The following TBXAS1 variants were observed in gnomAD, a reference collection of about 807,000 sequenced individuals.
TBXAS1 encodes thromboxane A synthase 1, also known as thromboxane-A synthase.
TBXAS1 carries 48 observed loss-of-function variants against 60.7 expected under a neutral mutation model. That is an observed-to-expected ratio of 0.79 (90% confidence interval 0.63 to 1.01). The LOEUF (loss-of-function observed/expected upper bound fraction) is 1.01. Ranked by LOEUF, TBXAS1 falls within the 50% of genes least tolerant of loss-of-function variation. The probability of loss-of-function intolerance (pLI) is 0.00; values close to 1 mark genes in which losing one functional copy is unlikely to be tolerated. For missense variants in TBXAS1, 685 were observed against 686.3 expected (o/e 1.00, Z 0.02); for synonymous variants, 287 against 269.7 (o/e 1.06, Z -0.63).
chr7:139,805,728 CTCTTTCTT>C lies in TBXAS1; in HGVS notation c.-80+18323_-80+18330del, dbSNP rs796223409. ...TTTCTTTCTTTCTCTCTCTCTCTCT[CTCTTTCTT>C]TCTTTCTTTCTTTCTTTCTTGTCTT... On this transcript the variant is annotated intron_variant, in intron 4 of 16. Coordinates refer to the TBXAS1 transcript ENST00000336425. Among the ~76,000 whole-genome samples the C allele has an allele frequency of 8.6e-3, 951 of 110,886 alleles. 24 individuals carry two copies. The highest frequency in any genetic ancestry group is 0.032 in the African/African-American group (755 of 23,252). 72.7% of individuals were successfully genotyped at this position (110,886 alleles called of 152,430 possible). A position where few individuals can be genotyped will look rare whatever the true frequency, so the allele number is the denominator to read the frequency against.
At chr7:139,780,069 G>T (rs1006047181) in intron 1 of TBXAS1, among the ~76,000 whole-genome samples, 5 of 152,182 alleles carry the variant, frequency 3.3e-5, no homozygotes, top group Non-Finnish European at 7.3e-5. Context: ...ACTTAACTAT[G>T]TGATCTTGGT....
chr7:139,799,542 G>GA (rs1797662904), intron 4 of TBXAS1, among the ~76,000 whole-genome samples: 1 of 152,040 alleles, frequency 6.6e-6, no homozygotes, highest in African/African-American at 2.4e-5. Context: ...TTTTTGTAGA[G>GA]ATGGGTTTTT....
intron 4 of TBXAS1, among the ~76,000 whole-genome samples, chr7:139,815,664 A>G (rs1798128002): frequency 6.6e-6 from 1 of 152,226 alleles, no homozygotes; most frequent in Non-Finnish European, 1.5e-5. Context: ...AGAAACTTGA[A>G]GAATCCTATT....
At chr7:139,921,871 A>G (rs1005130582) in intron 4 of TBXAS1, among the ~76,000 whole-genome samples, 6 of 152,176 alleles carry the variant, frequency 3.9e-5, no homozygotes, top group African/African-American at 1.4e-4. Flanking sequence ...CCACGAGAGT[A>G]GGTGCATGGT....
chr7:139,924,514 T>C (rs1452950175), intron 4 of TBXAS1, among the ~76,000 whole-genome samples: 1 of 152,190 alleles, frequency 6.6e-6, no homozygotes, highest in Non-Finnish European at 1.5e-5. Flanking sequence ...TAGGTTTTTT[T>C]CCTGCAGAGT....
chr7:140,017,614 G>A, intron 11 of TBXAS1, 57 bp from the exon 12 acceptor site: 3 of 1,604,874 alleles, frequency 1.9e-6, no homozygotes, highest in Non-Finnish European at 2.6e-6. Flanking sequence ...GGAGCACAGG[G>A]CTGCAGAGGG....
At chr7:139,782,159 G>A (rs1797021959) in intron 2 of TBXAS1, among the ~76,000 whole-genome samples, 1 of 151,744 alleles carries the variant, frequency 6.6e-6, no homozygotes, top group Non-Finnish European at 1.5e-5. Flanking sequence ...AAGCACATTA[G>A]CAGTCAGTGT....
At position 140,007,303 on chromosome 7, in the gene TBXAS1, G is replaced by A. The variant is rs530570313; in HGVS notation, c.1226+121G>A. ...CTTGTGTTTCTGGAGGGCAACGCCT[G>A]AGTCCTGGGTTCCTTTGTATCCCCA... On this transcript the variant is annotated intron_variant, in intron 10 of 12. Transcript: ENST00000448866. The A allele has an allele frequency of 3.4e-6, 3 of 872,668 alleles. No homozygotes were observed. The African/African-American group carries it at 4.9e-5, about 14-fold the overall frequency. The allele number at this position is 872,668 out of a possible 1,614,324, so 54.1% of individuals were successfully genotyped here.
At chr7:140,019,578 G>A (rs1235314516) in intron 12 of TBXAS1, among the ~76,000 whole-genome samples, 3 of 152,140 alleles carry the variant, frequency 2.0e-5, no homozygotes, top group Non-Finnish European at 2.9e-5. Context: ...TAAGACCCTG[G>A]TGACTCTTTG....
intron 7 of TBXAS1, among the ~76,000 whole-genome samples, chr7:139,956,326 A>G (rs184942495): frequency 1.3e-5 from 2 of 152,146 alleles, no homozygotes; most frequent in East Asian, 3.9e-4. Context: ...TTGTATTTTT[A>G]GTAGAGAAGG....
intron 4 of TBXAS1, among the ~76,000 whole-genome samples, chr7:139,914,816 T>G (rs1168419429): frequency 6.6e-5 from 10 of 152,240 alleles, no homozygotes; most frequent in Non-Finnish European, 1.5e-4. Flanking sequence ...CACTCTAGCT[T>G]GATTATTAGC....
intron 4 of TBXAS1, among the ~76,000 whole-genome samples, chr7:139,812,289 A>G (rs1233190777): frequency 6.6e-6 from 1 of 152,230 alleles, no homozygotes; most frequent in African/African-American, 2.4e-5. Flanking sequence ...GAGGGGAGAC[A>G]ATATCAACCC....
intron 3 of TBXAS1, among the ~76,000 whole-genome samples, chr7:139,906,355 C>T (rs77476918): frequency 0.017 from 2,560 of 152,224 alleles, 38 homozygotes; most frequent in Non-Finnish European, 0.027. Context: ...TATGCCTGGC[C>T]TACTCTAGCA....
At chr7:139,952,834 C>T (rs1018362696) in intron 5 of TBXAS1, 3 of 828,594 alleles carry the variant, frequency 3.6e-6, no homozygotes, top group Non-Finnish European at 3.5e-6. Flanking sequence ...AAAAGAATAA[C>T]CATCCATCAG....
intron 1 of TBXAS1, among the ~76,000 whole-genome samples, chr7:139,834,371 A>G (rs1798920863): frequency 6.6e-6 from 1 of 152,220 alleles, no homozygotes; most frequent in South Asian, 2.1e-4. Context: ...CTGAAAGAGC[A>G]CAAACGGACA....
chr7:139,898,602 C>T (rs560637529), intron 3 of TBXAS1, among the ~76,000 whole-genome samples: 5 of 152,120 alleles, frequency 3.3e-5, no homozygotes, highest in South Asian at 2.1e-4. Context: ...TGAGCCACTA[C>T]GCCCGGCCTG....
Position 139,852,646 on chromosome 7 carries a change from A to AT in TBXAS1, c.90-19582dup, listed in dbSNP as rs986176361. Among the ~76,000 whole-genome samples the AT allele has an allele frequency of 2.6e-5, 4 of 152,050 alleles. No homozygotes were observed. The highest frequency in any genetic ancestry group is 7.2e-5 in the African/African-American group (3 of 41,400). On this transcript the variant is annotated intron_variant, in intron 1 of 12. Transcript: ENST00000448866. The surrounding 1 kb of genome is among the most constrained non-coding windows in gnomAD (Gnocchi z 4.4). ...AACATGATGCAAGGGGATTATAAAT[A>AT]TTTTTTTGAAACTCTTAACAATATT...
At chr7:140,009,262 T>C (rs933315524) in intron 10 of TBXAS1, among the ~76,000 whole-genome samples, 1 of 152,172 alleles carries the variant, frequency 6.6e-6, no homozygotes, top group Admixed American at 6.5e-5. Context: ...TTAGAATTCA[T>C]CTAACAGGTC....
intron 1 of TBXAS1, among the ~76,000 whole-genome samples, chr7:139,854,206 C>T (rs1214379697): frequency 6.6e-6 from 1 of 152,014 alleles, no homozygotes; most frequent in African/African-American, 2.4e-5. Flanking sequence ...TCTTGCCTCT[C>T]CTTTGTCTTG....
Sources: allele counts gnomAD v4.1 joint callset (sites outside exome capture counted in the v4.1 genomes callset), GRCh38; gene constraint gnomAD v4.1.1; non-coding constraint Gnocchi (gnomAD v3.1); transcripts MANE v1.5; gene names NCBI Gene and HGNC (gene_info 2026-07-23, HGNC 2026-07-21).